The following GALNT3 variants were observed in gnomAD, a reference collection of about 807,000 sequenced individuals.
The protein encoded by GALNT3 is polypeptide N-acetylgalactosaminyltransferase 3.
GALNT3 carries 51 observed loss-of-function variants against 69.8 expected under a neutral mutation model. That is an observed-to-expected ratio of 0.73 (90% CI 0.58 to 0.92). GALNT3 has a LOEUF of 0.92. GALNT3 is among the 40% of genes least tolerant of loss of function. GALNT3 has a pLI of 0.00. For missense variants in GALNT3, 711 were observed against 760.0 expected, an observed-to-expected ratio of 0.94 and a Z score of 0.76; for synonymous variants, 265 against 248.5, an observed-to-expected ratio of 1.07 and a Z score of -0.63.
At position 165,761,938 on chromosome 2, in the gene GALNT3, T is replaced by C. The variant is rs796126875; in HGVS notation, c.805A>G (p.Thr269Ala). Residue 269 changes from threonine to alanine, a missense_variant, in exon 4 of 11, where the codon ACA (threonine) becomes GCA (alanine). By Grantham distance (58) the Thr-to-Ala change is moderately conservative (BLOSUM62 0). Transcript: ENST00000392701. ...TCTAAAAATGTGAGCGTTTCAGCTG[T>C]TGCGACTGTTGCTCCTAGCAACCGA... The part of the protein sequence containing the change: ...TARLLGATVA[T>A]AETLTFLDAH... 6.2e-7 allele frequency: 1 copy of C among 1,613,974 alleles called. No homozygotes were observed. The highest frequency in any genetic ancestry group is 2.2e-5 in the East Asian group (1 of 44,878).
rs1688324714 is a variant in GALNT3 at position 165,749,839 on chromosome 2, C to G, written c.1682G>C (p.Cys561Ser). 6.2e-7 allele frequency: 1 copy of G among 1,613,642 alleles called. No homozygotes were observed. The highest frequency in any genetic ancestry group is 8.5e-7 in the Non-Finnish European group (1 of 1,179,642). ...EIRHNIQKEL[C>S]LHAAQGLVQL... is the part of the protein sequence containing the mutation. ...AACGAGACCTTGAGCAGCATGAAGA[C>G]ATAATTCCTTCTGGATGTTGTGCCG... is the stretch of plus-strand genomic sequence containing the variant. The change falls in exon 10 of 11, where the codon TGT becomes TCT. Residue 561 changes from cysteine (C) to serine (S), a missense_variant. Transcript: ENST00000392701.
In GALNT3 at chr2:165,755,032, T is replaced by C. The variant is rs757020982; in HGVS notation, c.1424A>G (p.Glu475Gly). Residue 475 changes from glutamate (E) to glycine (G), a missense_variant, in exon 8 of 11, where the codon GAA becomes GGA. Physicochemically the swap from Glu to Gly is moderately conservative, Grantham distance 98. Transcript: ENST00000392701. ...KAFGDLSKRF[E>G]IKHRLQCKNF... ...TTTACACTGAAGGCGGTGTTTTATTTCAAATCTTTTTGAAAGATCACCAAA... is the reference window on the plus strand; with the variant it reads ...TTTACACTGAAGGCGGTGTTTTATTCCAAATCTTTTTGAAAGATCACCAAA... 6.2e-7 allele frequency: 1 copy of C among 1,612,674 alleles called. No individual in the cohort carries two copies. The highest frequency in any genetic ancestry group is 2.2e-5 in the East Asian group (1 of 44,768).
chr2:165,771,357 T>C (rs1192059451), intron 1 of GALNT3: 1 of 152,142 alleles, frequency 6.6e-6, no homozygotes, highest in East Asian at 1.9e-4. Flanking sequence ...TCCAACCCAA[T>C]AGTACTTGTG....
At chr2:165,792,949 G>C (rs1450758575) in intron 1 of GALNT3, among the ~76,000 whole-genome samples, 1 of 152,124 alleles carries the variant, frequency 6.6e-6, no homozygotes, top group Non-Finnish European at 1.5e-5. Context: ...TATAGAATTT[G>C]ACTGTAAATG....
intron 6 of GALNT3, 88 bp from the exon 7 acceptor site, chr2:165,757,335 A>G: frequency 1.6e-6 from 2 of 1,268,740 alleles, no homozygotes; most frequent in Non-Finnish European, 2.3e-6. Flanking sequence ...GTATTATGAA[A>G]AACAAAATTA....
At chr2:165,757,628 C>T (rs1428819902) in intron 6 of GALNT3, among the ~76,000 whole-genome samples, 1 of 152,166 alleles carries the variant, frequency 6.6e-6, no homozygotes, top group Non-Finnish European at 1.5e-5. Context: ...TTCACTTAAA[C>T]TAGAGTTTCT....
chr2:165,754,795 T>C, intron 8 of GALNT3, 67 bp from the exon 9 acceptor site: 9 of 1,374,220 alleles, frequency 6.5e-6, no homozygotes, highest in Non-Finnish European at 9.1e-6. Flanking sequence ...TTTAAAATAA[T>C]TTAGAAAGTA....
intron 9 of GALNT3, among the ~76,000 whole-genome samples, chr2:165,752,191 A>G (rs374326025): frequency 3.2e-4 from 48 of 152,140 alleles, no homozygotes; most frequent in African/African-American, 1.0e-3. Context: ...TTCTCCATGT[A>G]TCTGCCTCTG....
intron 1 of GALNT3, among the ~76,000 whole-genome samples, chr2:165,786,687 A>C (rs1428074815): frequency 6.6e-6 from 1 of 152,164 alleles, no homozygotes; most frequent in South Asian, 2.1e-4. Flanking sequence ...GAACTCATGG[A>C]AACAGAAGGC....
rs1371539603 is a variant in GALNT3, at chr2:165,780,830, G to A, written c.-108-10022C>T. ...TCCTATCCAGATCTGCTCTAGTTCT[G>A]TCTCATGTACTATTTCCACTCAATG... is the stretch of plus-strand genomic sequence containing the variant. On this transcript the variant is annotated intron_variant, in intron 1 of 10. Transcript: ENST00000392701. Among the ~76,000 whole-genome samples the A allele has an allele frequency of 1.1e-4, 17 of 152,034 alleles. 1 individual carries two copies. The highest frequency in any genetic ancestry group is 4.4e-5 in the Non-Finnish European group (3 of 68,010).
intron 10 of GALNT3, 67 bp from the exon 11 acceptor site, chr2:165,748,970 G>C: frequency 6.7e-7 from 1 of 1,487,484 alleles, no homozygotes; most frequent in South Asian, 1.2e-5. Context: ...ATATGAAAAA[G>C]ATTTTATGGT....
chr2:165,759,157 C>A (rs1280897882), intron 5 of GALNT3, among the ~76,000 whole-genome samples, 179 bp downstream of exon 5: 1 of 152,162 alleles, frequency 6.6e-6, no homozygotes, highest in Non-Finnish European at 1.5e-5. Flanking sequence ...CTACCTCTTA[C>A]TCAGCAACAT....
intron 6 of GALNT3, chr2:165,758,526 A>C (rs1186908287): frequency 2.4e-6 from 1 of 414,166 alleles, no homozygotes; most frequent in African/African-American, 2.0e-5. Context: ...GCCTGGACAC[A>C]GGAGTTTAAC....
chr2:165,748,843 T>G lies in GALNT3; in HGVS notation c.1840A>C (p.Ser614Arg). Residue 614 changes from serine (S) to arginine (R), a missense_variant, in exon 11 of 11, where the codon AGT becomes CGT. Transcript: ENST00000392701. ...TCTGATGGGTTGCATGACACTAAAC[T>G]TGGATGCTCTCCATTTGCTGAAAGG... ...MCLSANGEHP[S>R]LVSCNPSDPL... is the part of the protein sequence containing the mutation. The G allele has an allele frequency of 6.2e-7, 1 of 1,611,732 alleles. No individual in the cohort carries two copies. Among genetic ancestry groups the G allele is most frequent in the South Asian group, 1.1e-5 (1 of 90,986 alleles).
Position 165,758,727 on chromosome 2 carries a change from T to A in GALNT3, c.1191+20A>T, listed in dbSNP as rs766048354. On this transcript the variant is annotated intron_variant, in intron 6 of 10. Coordinates refer to ENST00000392701, the MANE Select transcript of GALNT3 (RefSeq NM_004482.4). ...TTCATTGTTTAATATATCTGCTATA[T>A]TTAATTTCCATAAACTTACTCTGAA... The A allele has an allele frequency of 1.5e-6, 2 of 1,368,466 alleles. No homozygotes were observed. The highest frequency in any genetic ancestry group is 2.1e-6 in the Non-Finnish European group (2 of 956,292). The allele number at this position is 1,368,466 out of a possible 1,614,324, so 84.8% of individuals were successfully genotyped here.
chr2:165,753,748 T>A (rs1688394068), intron 9 of GALNT3, among the ~76,000 whole-genome samples: 2 of 152,222 alleles, frequency 1.3e-5, no homozygotes, highest in Admixed American at 6.5e-5. Flanking sequence ...ATAGTAATAT[T>A]TGACATGTGA....
intron 1 of GALNT3, among the ~76,000 whole-genome samples, chr2:165,787,437 C>G (rs923722742): frequency 1.3e-5 from 2 of 152,140 alleles, no homozygotes; most frequent in African/African-American, 4.8e-5. Context: ...CCATGAAGGG[C>G]TTTATGCAGG....
chr2:165,784,506 G>A lies in GALNT3; in HGVS notation c.-109+9509C>T, dbSNP rs893263681. ...AATGAGTCAATGTGGAGGCTACAGA[G>A]GTTGTTAAGTTGTGACGGGTGTTAA... On this transcript the variant is annotated intron_variant, in intron 1 of 10. Transcript: ENST00000392701. Among the ~76,000 whole-genome samples, 9 of 152,272 alleles carry A rather than the reference G, an allele frequency of 5.9e-5. No individual in the cohort carries two copies. In the East Asian group the frequency reaches 9.7e-4, roughly 16 times the overall value.
chr2:165,790,458 T>C (rs1336489326), intron 1 of GALNT3, among the ~76,000 whole-genome samples: 1 of 152,330 alleles, frequency 6.6e-6, no homozygotes, highest in African/African-American at 2.4e-5. Context: ...ACTAACTAAA[T>C]GCATAATTGA....
Sources: gnomAD v4.1 joint callset for allele counts (sites outside exome capture counted in the v4.1 genomes callset) on GRCh38, gnomAD v4.1.1 for gene constraint, MANE v1.5 for transcripts, NCBI Gene and HGNC (gene_info 2026-07-23, HGNC 2026-07-21) for gene names.